UPP2: variants seen among roughly 807,000 people sequenced by gnomAD.
UPP2 encodes UPase 2.
In UPP2, 23 loss-of-function variants were observed where a neutral mutation model predicts 26.7. The ratio of observed to expected loss-of-function variants is 0.86; its 90% CI spans 0.62 to 1.22. The LOEUF is 1.22. Ranked by LOEUF, UPP2 falls within the 50% of genes most tolerant of loss-of-function variation. The probability of loss-of-function intolerance (pLI) is 0.00; values close to 1 mark genes in which losing one functional copy is unlikely to be tolerated. For synonymous variants in UPP2, 127 were observed against 141.3 expected, an observed-to-expected ratio of 0.90 and a Z score of 0.72; for missense variants, 387 against 396.7, an observed-to-expected ratio of 0.98 and a Z score of 0.21.
Position 158,106,201 on chromosome 2 carries a change from G to A in UPP2, c.165G>A (p.Met55Ile), listed in dbSNP as rs1683190464. ...LGTKTHNLPA[M>I]FGDVKFVCVG... ...CAAAAACACACAACCTACCAGCAAT[G>A]TTTGGAGATGTAAAGGTAAAAACAT... The change falls in exon 2 of 7, where the codon ATG becomes ATA. Residue 55 changes from methionine to isoleucine, a missense_variant. Coordinates refer to ENST00000005756, the MANE Select transcript of UPP2 (RefSeq NM_173355.4). 1 of 1,609,524 alleles carries A rather than the reference G, an allele frequency of 6.2e-7. No homozygotes were observed. Among genetic ancestry groups the A allele is most frequent in the African/African-American group, 1.3e-5 (1 of 74,632 alleles).
chr2:158,023,072 A>T (rs1485839662), intron 3 of UPP2, among the ~76,000 whole-genome samples: 1 of 149,652 alleles, frequency 6.7e-6, no homozygotes, highest in Non-Finnish European at 1.5e-5. Context: ...CAACAAGATG[A>T]ATGCTAGAGC....
intron 3 of UPP2, among the ~76,000 whole-genome samples, chr2:158,065,231 C>T (rs1682415991): frequency 6.6e-6 from 1 of 152,142 alleles, no homozygotes; most frequent in Non-Finnish European, 1.5e-5. Context: ...TACTACTCTA[C>T]CAAGAAGCAC....
At chr2:158,112,645 C>A (rs571661756) in intron 2 of UPP2, among the ~76,000 whole-genome samples, 1 of 152,138 alleles carries the variant, frequency 6.6e-6, no homozygotes, top group South Asian at 2.1e-4. Flanking sequence ...AAATCAACAT[C>A]TAAATATGTC....
At chr2:158,128,458 G>C (rs7602749) in intron 6 of UPP2, among the ~76,000 whole-genome samples, 4,736 of 152,260 alleles carry the variant, frequency 0.031, 128 homozygotes, top group East Asian at 0.14. Flanking sequence ...ACCCTAAAAT[G>C]GAGATAAATC....
At chr2:158,016,320 CA>C (rs1293214399) in intron 3 of UPP2, among the ~76,000 whole-genome samples, 3 of 151,084 alleles carry the variant, frequency 2.0e-5, no homozygotes, top group Non-Finnish European at 4.4e-5. Flanking sequence ...CTTATATTAG[CA>C]AAAAAAATTC....
At chr2:158,036,865 G>A (rs144766105) in intron 3 of UPP2, among the ~76,000 whole-genome samples, 12 of 152,300 alleles carry the variant, frequency 7.9e-5, no homozygotes, top group African/African-American at 2.9e-4. Flanking sequence ...GCTTCACACT[G>A]AAGGGTACCA....
intron 2 of UPP2, among the ~76,000 whole-genome samples, chr2:158,000,114 A>G (rs992315637): frequency 4.0e-5 from 6 of 151,472 alleles, no homozygotes; most frequent in Non-Finnish European, 7.4e-5. Context: ...CCCAGGCTAG[A>G]GTGCAATGGC....
At chr2:158,123,243 C>T (rs1360455591) in intron 5 of UPP2, among the ~76,000 whole-genome samples, 1 of 152,168 alleles carries the variant, frequency 6.6e-6, no homozygotes, top group African/African-American at 2.4e-5. Context: ...GGCGTGCAGC[C>T]TGAGAAGTGT....
intron 3 of UPP2, among the ~76,000 whole-genome samples, chr2:158,083,502 C>CAGTG (rs960034289): frequency 6.2e-4 from 94 of 151,988 alleles, no homozygotes; most frequent in African/African-American, 1.9e-3. Context: ...GGGAGTTGAA[C>CAGTG]AGTGAGAACA....
chr2:158,048,303 C>G (rs1028606623), intron 3 of UPP2, among the ~76,000 whole-genome samples: 1 of 152,070 alleles, frequency 6.6e-6, no homozygotes, highest in Non-Finnish European at 1.5e-5. Flanking sequence ...CTGAGTTGCT[C>G]AGGAAAACAA....
In UPP2 at chr2:158,115,144, C is replaced by T; in HGVS notation, c.224C>T (p.Ala75Val). The change falls in exon 3 of 7, where the codon GCA becomes GTA. Residue 75 changes from alanine (A) to valine (V), a missense_variant. Physicochemically the swap from Ala to Val is moderately conservative, Grantham distance 64. Coordinates refer to ENST00000005756, the MANE Select transcript of UPP2 (RefSeq NM_173355.4). ...AGCCCCAACAGAATGAAAGCATTTG[C>T]ACTGTTTATGCACAAGGAGCTCGGG... ...GGSPNRMKAF[A>V]LFMHKELGFE... 1 of 1,612,758 alleles carries T rather than the reference C, an allele frequency of 6.2e-7. No homozygotes were observed. Among genetic ancestry groups the T allele is most frequent in the Non-Finnish European group, 8.5e-7 (1 of 1,179,416 alleles).
intron 2 of UPP2, among the ~76,000 whole-genome samples, chr2:157,999,024 T>A (rs1468875319): frequency 6.6e-6 from 1 of 152,184 alleles, no homozygotes; most frequent in Non-Finnish European, 1.5e-5. Context: ...TTCAGTCATT[T>A]TTTATCTGTG....
chr2:158,108,780 A>G (rs1219209643), intron 2 of UPP2, among the ~76,000 whole-genome samples: 5 of 152,102 alleles, frequency 3.3e-5, no homozygotes, highest in Non-Finnish European at 7.3e-5. Context: ...GTGAACCTTC[A>G]GTAAATTATC....
At chr2:158,043,528 G>A (rs1684109286) in intron 3 of UPP2, among the ~76,000 whole-genome samples, 2 of 152,194 alleles carry the variant, frequency 1.3e-5, no homozygotes, top group South Asian at 4.1e-4. Context: ...TGGGAGGAAA[G>A]AGAGGAAGTG....
intron 3 of UPP2, among the ~76,000 whole-genome samples, chr2:158,084,496 A>C (rs1206275004): frequency 4.6e-5 from 7 of 152,056 alleles, no homozygotes; most frequent in Admixed American, 3.3e-4. Context: ...TTTTTCATTT[A>C]ATTAAGTCCC....
chr2:158,108,679 T>G lies in UPP2; in HGVS notation c.180+2463T>G, dbSNP rs537386555. Among the ~76,000 whole-genome samples, 3 of 152,220 alleles carry G rather than the reference T, an allele frequency of 2.0e-5. No homozygotes were observed. The East Asian group carries it at 5.8e-4, about 29-fold the overall frequency. On this transcript the variant is annotated intron_variant, in intron 2 of 6. Coordinates refer to ENST00000005756, the MANE Select transcript of UPP2 (RefSeq NM_173355.4). The stretch of plus-strand genomic sequence containing the variant: ...TAATCCCAGGAAACAGACCTTCACG[T>G]CTGCCTGTCCAGATTTTGTTCAGCA...
At chr2:158,065,598 G>T in intron 3 of UPP2, 1 of 564,306 alleles carries the variant, frequency 1.8e-6, no homozygotes, top group Admixed American at 2.2e-5. Flanking sequence ...AGAACATGAG[G>T]ATTTCTTACT....
chr2:158,077,928 T>C (rs979632316), intron 3 of UPP2, among the ~76,000 whole-genome samples: 6 of 151,640 alleles, frequency 4.0e-5, no homozygotes, highest in Non-Finnish European at 7.4e-5. Context: ...TCAAAACAGC[T>C]CTATAGGAAG....
At chr2:158,065,573 TG>T in intron 3 of UPP2, 1 of 549,416 alleles carries the variant, frequency 1.8e-6, no homozygotes, top group Non-Finnish European at 3.6e-6. Flanking sequence ...CCAGCTCCTG[TG>T]GAAGTCACAT....
Sources: gnomAD v4.1 joint callset for allele counts (sites outside exome capture counted in the v4.1 genomes callset) on GRCh38, gnomAD v4.1.1 for gene constraint, MANE v1.5 for transcripts, NCBI Gene and HGNC (gene_info 2026-07-23, HGNC 2026-07-21) for gene names.